SHANK2: variants seen among roughly 807,000 people sequenced by gnomAD.
The protein encoded by SHANK2 is SH3 and multiple ankyrin repeat domains 2, also known as SH3 and multiple ankyrin repeat domains protein 2.
In SHANK2, 43 loss-of-function variants were observed where a neutral mutation model predicts 133.7. The ratio of observed to expected loss-of-function variants is 0.32; its 90% CI spans 0.25 to 0.41. The LOEUF is 0.41. Among genes scored for constraint, SHANK2 ranks in the 10% least tolerant of loss-of-function variants. The pLI is 1.00. For missense variants in SHANK2, 1,994 were observed against 2,235.8 expected (o/e 0.89, Z 2.18); for synonymous variants, 1,017 against 952.8 (o/e 1.07, Z -1.24).
chr11:71,219,451 G>T (rs1227767053), intron 2 of SHANK2, among the ~76,000 whole-genome samples: 1 of 152,134 alleles, frequency 6.6e-6, no homozygotes, highest in African/African-American at 2.4e-5. Flanking sequence ...AACTTGAATA[G>T]ACATTTTTCT....
chr11:71,058,389 T>A (rs1950946779), intron 9 of SHANK2, among the ~76,000 whole-genome samples: 1 of 152,184 alleles, frequency 6.6e-6, no homozygotes, highest in East Asian at 1.9e-4. Flanking sequence ...AGCAGCAGAA[T>A]GTTGATGTAA....
chr11:71,223,296 C>T (rs1311479828), intron 2 of SHANK2, among the ~76,000 whole-genome samples: 1 of 152,200 alleles, frequency 6.6e-6, no homozygotes, highest in Non-Finnish European at 1.5e-5. Context: ...TGTGCATTCT[C>T]ATGGGGTGGT....
intron 17 of SHANK2, among the ~76,000 whole-genome samples, chr11:70,586,523 A>G (rs548230379): frequency 6.6e-6 from 1 of 151,864 alleles, no homozygotes; most frequent in African/African-American, 2.4e-5. Flanking sequence ...TGGACACACT[A>G]CTCTTCACAG....
rs114371062 is a variant in SHANK2 at position 70,786,190 on chromosome 11, C to T, written c.1777+12253G>A. 4.8e-3 allele frequency among the ~76,000 whole-genome samples: 729 copies of T among 152,310 alleles called. 7 individuals carry two copies. The highest frequency in any genetic ancestry group is 0.017 in the African/African-American group (696 of 41,564). ...TAAAGTGGAATTATGACCTTTGCAC[C>T]TGTCCTTTGCTTCTGTGCCTTTCTC... On this transcript the variant is annotated intron_variant, in intron 14 of 25. Transcript: ENST00000601538.
intron 6 of SHANK2, among the ~76,000 whole-genome samples, chr11:71,104,808 G>A (rs1233353866): frequency 6.6e-6 from 1 of 152,210 alleles, no homozygotes; most frequent in Non-Finnish European, 1.5e-5. Flanking sequence ...AGACACTGGT[G>A]GCAGGCGCAG....
intron 2 of SHANK2, among the ~76,000 whole-genome samples, chr11:71,197,627 T>C (rs1953932836): frequency 6.6e-6 from 1 of 152,202 alleles, no homozygotes. Context: ...CTGCATCTTC[T>C]GAAGAGAACC....
chr11:71,154,839 G>A (rs1416330939), intron 2 of SHANK2, among the ~76,000 whole-genome samples: 11 of 115,758 alleles, frequency 9.5e-5, no homozygotes, highest in Non-Finnish European at 1.7e-4. Context: ...CACGCTCCCA[G>A]AGGAGGGATG....
intron 14 of SHANK2, among the ~76,000 whole-genome samples, chr11:70,701,167 CGT>C (rs145169527): frequency 1.8e-4 from 27 of 149,552 alleles, no homozygotes; most frequent in South Asian, 4.2e-4. Context: ...TGTGTGTACG[CGT>C]GTGTGTGTGT....
intron 6 of SHANK2, among the ~76,000 whole-genome samples, chr11:71,097,758 GGGCAGGA>G (rs1377433717): frequency 1.3e-5 from 2 of 152,194 alleles, no homozygotes; most frequent in Non-Finnish European, 2.9e-5. Flanking sequence ...GGTGGGGTGG[GGGCAGGA>G]GGCAGGAGGA....
chr11:70,774,847 G>A (rs1947328485), intron 14 of SHANK2, among the ~76,000 whole-genome samples: 1 of 152,098 alleles, frequency 6.6e-6, no homozygotes, highest in Admixed American at 6.5e-5. Flanking sequence ...AACTAAACAG[G>A]CGAGGGTTAA....
intron 11 of SHANK2, among the ~76,000 whole-genome samples, chr11:70,824,875 C>G (rs1380862059): frequency 6.6e-6 from 1 of 152,166 alleles, no homozygotes; most frequent in East Asian, 1.9e-4. Context: ...GAGCGATTAT[C>G]TTTCATTTAC....
At chr11:70,855,843 A>G (rs1949160240) in intron 11 of SHANK2, among the ~76,000 whole-genome samples, 1 of 152,194 alleles carries the variant, frequency 6.6e-6, no homozygotes, top group Non-Finnish European at 1.5e-5. Context: ...GGATAAATGA[A>G]TGGATAAATA....
chr11:70,789,761 C>T (rs1183730193), intron 14 of SHANK2, among the ~76,000 whole-genome samples: 2 of 152,216 alleles, frequency 1.3e-5, no homozygotes, highest in African/African-American at 4.8e-5. Flanking sequence ...GCCCCCACTC[C>T]TACCTCAGTG....
At chr11:71,117,335 G>T (rs1227910420) in intron 4 of SHANK2, among the ~76,000 whole-genome samples, 2 of 152,172 alleles carry the variant, frequency 1.3e-5, no homozygotes, top group Non-Finnish European at 2.9e-5. Flanking sequence ...TTTCTGTATA[G>T]CAATGAAAGA....
intron 17 of SHANK2, among the ~76,000 whole-genome samples, chr11:70,556,217 T>C (rs1251074489): frequency 6.6e-6 from 1 of 152,254 alleles, no homozygotes; most frequent in African/African-American, 2.4e-5. Flanking sequence ...TATGCCTCGA[T>C]AGCCATTTCT....
intron 17 of SHANK2, among the ~76,000 whole-genome samples, chr11:70,553,538 G>A (rs1446144847): frequency 1.3e-5 from 2 of 152,090 alleles, no homozygotes; most frequent in African/African-American, 2.4e-5. Context: ...CCTGACTGCC[G>A]GTCCCAGCTC....
chr11:71,133,547 T>C (rs1952376110), intron 3 of SHANK2, among the ~76,000 whole-genome samples: 2 of 147,706 alleles, frequency 1.4e-5, no homozygotes, highest in African/African-American at 5.0e-5. Context: ...GATGGATAGA[T>C]AGACGGATGA....
At chr11:70,508,445 A>G (rs1242993845) in intron 17 of SHANK2, among the ~76,000 whole-genome samples, 2 of 152,188 alleles carry the variant, frequency 1.3e-5, no homozygotes, top group Non-Finnish European at 2.9e-5. Flanking sequence ...GTCCCCAGAC[A>G]CTTGTTCTGG....
chr11:70,724,519 T>C (rs930691298), intron 14 of SHANK2, among the ~76,000 whole-genome samples: 28 of 152,350 alleles, frequency 1.8e-4, no homozygotes, highest in African/African-American at 6.3e-4. Context: ...CTGTGAGCTC[T>C]TCTGGGTCTT....
Sources: gnomAD v4.1 joint callset for allele counts (sites outside exome capture counted in the v4.1 genomes callset) on GRCh38, gnomAD v4.1.1 for gene constraint, MANE v1.5 for transcripts, NCBI Gene and HGNC (gene_info 2026-07-23, HGNC 2026-07-21) for gene names.